The following ANKRD23 variants were observed in gnomAD, a reference collection of about 807,000 sequenced individuals.
ANKRD23 encodes the protein ankyrin repeat domain-containing protein 23.
ANKRD23 carries 52 observed loss-of-function variants against 38.1 expected under a neutral mutation model. The ratio of observed to expected loss-of-function variants is 1.36; its 90% CI spans 1.09 to 1.72. The LOEUF is 1.72. Ranked by LOEUF, ANKRD23 falls within the 40% of genes most tolerant of loss-of-function variation. ANKRD23 has a pLI of 0.00. For synonymous variants in ANKRD23, 167 were observed against 162.9 expected, an observed-to-expected ratio of 1.03 and a Z score of -0.19; for missense variants, 416 against 400.2, an observed-to-expected ratio of 1.04 and a Z score of -0.34.
At position 96,839,180 on chromosome 2, in the gene ANKRD23, C is replaced by T; in HGVS notation, c.*369G>A. 1 of 1,033,462 alleles carries T rather than the reference C, an allele frequency of 9.7e-7. No individual in the cohort carries two copies. The highest frequency in any genetic ancestry group is 1.2e-6 in the Non-Finnish European group (1 of 861,912). The allele number at this position is 1,033,462 out of a possible 1,614,324, so 64.0% of individuals were successfully genotyped here. The stretch of plus-strand genomic sequence containing the variant: ...CCCCCTAACCTGGGACAAGTGGACA[C>T]TGAGGACTCCCAGACCCAGCCCTGG... On this transcript the variant is annotated 3_prime_UTR_variant, in exon 9 of 9. Transcript: ENST00000318357.
intron 3 of ANKRD23, 119 bp from the exon 4 acceptor site, chr2:96,841,031 C>A (rs941422203): frequency 4.8e-6 from 6 of 1,237,756 alleles, no homozygotes; most frequent in Non-Finnish European, 6.7e-6. Context: ...ACTGCTGGCT[C>A]GTACTAATGC....
rs753360180 is a variant in ANKRD23, at chr2:96,840,087, G to A, written c.633C>T (p.Ser211=). Residue 211 remains serine, a synonymous_variant, in exon 7 of 9, where the codon AGC becomes AGT. Coordinates refer to ENST00000318357, the MANE Select transcript of ANKRD23 (RefSeq NM_144994.8). ...ARVNARDKIG[S]TPLHVAVRTR... is the part of the protein sequence containing the mutation. ...TGCGCACTGCCACGTGCAGGGGGGT[G>A]CTCCCGATCTGAGAGCAAGTGGGGG... 4 of 1,556,132 alleles carry A rather than the reference G, an allele frequency of 2.6e-6. No homozygotes were observed. Among genetic ancestry groups the A allele is most frequent in the Non-Finnish European group, 3.5e-6 (4 of 1,149,342 alleles).
At position 96,840,810 on chromosome 2, in the gene ANKRD23, C is replaced by T. The variant is rs766085996; in HGVS notation, c.403G>A (p.Gly135Arg). Residue 135 changes from glycine to arginine, a missense_variant, in exon 4 of 9, where the codon GGG becomes AGG. Coordinates refer to ENST00000318357, the MANE Select transcript of ANKRD23 (RefSeq NM_144994.8). ...YLIDKYLTDG[G>R]DPNAHDKLHR... is the part of the protein sequence containing the mutation. Reference sequence around the variant, plus strand: ...ACCTTGTCATGGGCATTGGGGTCCCCTCCGTCTGTCAAGTACTTGTCAATC... The same window carrying T: ...ACCTTGTCATGGGCATTGGGGTCCCTTCCGTCTGTCAAGTACTTGTCAATC... 19 of 1,614,108 alleles carry T rather than the reference C, an allele frequency of 1.2e-5. No individual in the cohort carries two copies. Among genetic ancestry groups the T allele is most frequent in the South Asian group, 2.2e-5 (2 of 91,092 alleles).
rs751675667 is a variant in ANKRD23, at chr2:96,840,469, G to A, written c.472C>T (p.Gln158Ter). Residue 158 changes from glutamine to a stop codon, truncating the protein, a stop_gained, in exon 5 of 9, where the codon CAG (glutamine) becomes TAG (stop). Coordinates refer to ENST00000318357, the MANE Select transcript of ANKRD23 (RefSeq NM_144994.8). LOFTEE classifies it high-confidence loss of function. ...LHWACLKGHS[Q>*]LVNKLLVAGA... is the part of the protein sequence containing the mutation. ...GCCACCAGCAGCTTGTTCACCAGCT[G>A]GCTGTGACCCTTCAGACAGGCCCAG... The A allele has an allele frequency of 1.9e-6, 3 of 1,614,108 alleles. No individual in the cohort carries two copies. Among genetic ancestry groups the A allele is most frequent in the South Asian group, 1.1e-5 (1 of 91,086 alleles).
In ANKRD23 at chr2:96,839,755, T is replaced by G; in HGVS notation, c.794A>C (p.Tyr265Ser). 6.2e-7 allele frequency: 1 copy of G among 1,613,416 alleles called. No individual in the cohort carries two copies. Among genetic ancestry groups the G allele is most frequent in the Admixed American group, 1.7e-5 (1 of 60,028 alleles). ...GTTCCGCACCCCCAGCTCGGCCCCA[T>G]AGAGCAGCAGTAGCTTCATGGCTTT... ...SYKAMKLLLL[Y>S]GAELGVRNAA... The change falls in exon 8 of 9, where the codon TAT becomes TCT. Residue 265 changes from tyrosine (Y) to serine (S), a missense_variant. Transcript: ENST00000318357.
Position 96,838,941 on chromosome 2 carries a change from A to G in ANKRD23, c.*608T>C. ...CCACCTCCAGAGTTCCTATGACCAA[A>G]GTTGTCTAGAGCCGCTCCGGACACT... On this transcript the variant is annotated 3_prime_UTR_variant, in exon 9 of 9. Transcript: ENST00000318357. 5 of 985,524 alleles carry G rather than the reference A, an allele frequency of 5.1e-6. No individual in the cohort carries two copies. The highest frequency in any genetic ancestry group is 6.0e-6 in the Non-Finnish European group (5 of 830,008). 61.0% of individuals were successfully genotyped at this position (985,524 alleles called of 1,614,324 possible).
chr2:96,838,534 C>T lies in ANKRD23; in HGVS notation c.*1015G>A. 1.0e-6 allele frequency: 1 copy of T among 985,868 alleles called. No individual in the cohort carries two copies. Among genetic ancestry groups the T allele is most frequent in the Non-Finnish European group, 1.2e-6 (1 of 830,260 alleles). The allele number at this position is 985,868 out of a possible 1,614,324, so 61.1% of individuals were successfully genotyped here. On this transcript the variant is annotated 3_prime_UTR_variant, in exon 9 of 9. Transcript: ENST00000318357. ...TTCCCTGTGGGCTGGGTTCAGAGCT[C>T]CTCAGTGTCCTGGCCTCCCAGGTGG...
rs888882100 is a variant in ANKRD23 at position 96,839,154 on chromosome 2, G to T, written c.*395C>A. 3.0e-6 allele frequency: 3 copies of T among 1,009,996 alleles called. No individual in the cohort carries two copies. Among genetic ancestry groups the T allele is most frequent in the African/African-American group, 1.7e-5 (1 of 58,222 alleles). The allele number at this position is 1,009,996 out of a possible 1,614,324, so 62.6% of individuals were successfully genotyped here. A position where few individuals can be genotyped will look rare whatever the true frequency, so the allele number is the denominator to read the frequency against. On this transcript the variant is annotated 3_prime_UTR_variant, in exon 9 of 9. Transcript: ENST00000318357. Reference sequence around the variant, plus strand: ...ACTGGCCCTGGAGAGAGCAAGGCAAGCCCCCTAACCTGGGACAAGTGGACA... The same window carrying T: ...ACTGGCCCTGGAGAGAGCAAGGCAATCCCCCTAACCTGGGACAAGTGGACA...
chr2:96,840,559 C>A, intron 4 of ANKRD23, 45 bp from the exon 5 acceptor site: 1 of 1,599,118 alleles, frequency 6.3e-7, no homozygotes, highest in South Asian at 1.1e-5. Flanking sequence ...TGCAGCCACC[C>A]CTAGAGACCC....
chr2:96,841,097 G>C, intron 3 of ANKRD23, 185 bp from the exon 4 acceptor site: 1 of 682,104 alleles, frequency 1.5e-6, no homozygotes, highest in Non-Finnish European at 2.4e-6. Context: ...GTGTGTGAGC[G>C]TGTGTGTTAT....
At position 96,838,217 on chromosome 2, in the gene ANKRD23, TATCA is replaced by T. The variant is rs566159514; in HGVS notation, c.*1328_*1331del. The T allele has an allele frequency of 7.2e-5, 33 of 460,080 alleles. No homozygotes were observed. The South Asian group carries it at 2.3e-3, about 32-fold the overall frequency. 28.5% of individuals were successfully genotyped at this position (460,080 alleles called of 1,614,324 possible). ...CGAAAAGGAACCATGGCCAAATGCC[TATCA>T]ATCAGCCCGGTACCTAATGTAACCC... On this transcript the variant is annotated 3_prime_UTR_variant, in exon 9 of 9. Coordinates refer to ENST00000318357, the MANE Select transcript of ANKRD23 (RefSeq NM_144994.8).
rs2153358508 is a variant in ANKRD23, at chr2:96,839,983, A to G, written c.723+14T>C. ...GAGCTGTCCGAGCCGGAAAAGACCAAGCGCCTGCCTTACCTTATCCTGTGC... is the reference window on the plus strand; with the variant it reads ...GAGCTGTCCGAGCCGGAAAAGACCAGGCGCCTGCCTTACCTTATCCTGTGC... On this transcript the variant is annotated intron_variant, in intron 7 of 8. Coordinates refer to ENST00000318357, the MANE Select transcript of ANKRD23 (RefSeq NM_144994.8). The G allele has an allele frequency of 6.4e-7, 1 of 1,552,344 alleles. No individual in the cohort carries two copies.
chr2:96,843,090 C>A (rs2079779484), intron 1 of ANKRD23, among the ~76,000 whole-genome samples: 1 of 152,206 alleles, frequency 6.6e-6, no homozygotes, highest in South Asian at 2.1e-4. Flanking sequence ...GTAGCAAACA[C>A]CCATGCTTCC....
chr2:96,842,242 G>A, intron 2 of ANKRD23, 57 bp from the exon 3 acceptor site: 3 of 1,611,206 alleles, frequency 1.9e-6, no homozygotes, highest in Non-Finnish European at 2.5e-6. Flanking sequence ...AGATCTCTCT[G>A]CCCTGCCGAC....
chr2:96,840,818 G>C lies in ANKRD23; in HGVS notation c.395C>G (p.Thr132Arg), dbSNP rs758648233. ...NQEYLIDKYL[T>R]DGGDPNAHDK... ...ATGGGCATTGGGGTCCCCTCCGTCT[G>C]TCAAGTACTTGTCAATCAGGTACTC... The change falls in exon 4 of 9, where the codon ACA becomes AGA. Residue 132 changes from threonine to arginine, a missense_variant. Thr to Arg is a moderately conservative substitution (Grantham distance 71). Transcript: ENST00000318357. The C allele has an allele frequency of 6.2e-7, 1 of 1,614,234 alleles. No homozygotes were observed. Among genetic ancestry groups the C allele is most frequent in the Non-Finnish European group, 8.5e-7 (1 of 1,180,040 alleles).
chr2:96,840,225 C>A lies in ANKRD23; in HGVS notation c.624+7G>T. On this transcript the variant is annotated splice_region_variant and intron_variant, in intron 6 of 8. Coordinates refer to ENST00000318357, the MANE Select transcript of ANKRD23 (RefSeq NM_144994.8). ...CCGACAGGCCCCCAAAGCACCGTGC[C>A]CCTCACCTTGTCCCGGGCATTGACC... 1 of 1,608,874 alleles carries A rather than the reference C, an allele frequency of 6.2e-7. No homozygotes were observed. Among genetic ancestry groups the A allele is most frequent in the Non-Finnish European group, 8.5e-7 (1 of 1,177,408 alleles).
intron 2 of ANKRD23, 50 bp downstream of exon 2, chr2:96,842,315 C>T: frequency 1.2e-6 from 2 of 1,604,880 alleles, no homozygotes; most frequent in Non-Finnish European, 1.7e-6. Context: ...GCTCAGCCGG[C>T]CTCAGGGATT....
At position 96,838,119 on chromosome 2, in the gene ANKRD23, T is replaced by G. The variant is rs1184113246; in HGVS notation, c.*1430A>C. 1 of 157,242 alleles carries G rather than the reference T, an allele frequency of 6.4e-6. No homozygotes were observed. The highest frequency in any genetic ancestry group is 2.4e-5 in the African/African-American group (1 of 41,548). 9.7% of individuals were successfully genotyped at this position (157,242 alleles called of 1,614,324 possible). On this transcript the variant is annotated 3_prime_UTR_variant, in exon 9 of 9. Transcript: ENST00000318357. The stretch of plus-strand genomic sequence containing the variant: ...CATGGAAAGGTGTGTGCCCCTAGTG[T>G]GCAGCACTGGTCAGCTTTTCCACAT...
intron 7 of ANKRD23, 79 bp from the exon 8 acceptor site, chr2:96,839,904 C>G: frequency 6.4e-7 from 1 of 1,552,306 alleles, no homozygotes; most frequent in Non-Finnish European, 8.7e-7. Flanking sequence ...CTGCTGTCAC[C>G]GAGCAGACAG....
Sources: allele counts gnomAD v4.1 joint callset (sites outside exome capture counted in the v4.1 genomes callset), GRCh38; gene constraint gnomAD v4.1.1; transcripts MANE v1.5; gene names NCBI Gene and HGNC (gene_info 2026-07-23, HGNC 2026-07-21).